Variants in MTMR10 observed in about 807,000 individuals in gnomAD.
MTMR10 encodes the protein myotubularin-related protein 10.
In MTMR10, 56 loss-of-function variants were observed where a neutral mutation model predicts 88.1. The observed-to-expected ratio is 0.64, with a 90% CI of 0.51 to 0.79. MTMR10 has a LOEUF of 0.79. Among genes scored for constraint, MTMR10 ranks in the 30% least tolerant of loss-of-function variants. MTMR10 has a pLI of 0.00. For synonymous variants in MTMR10, 380 were observed against 340.9 expected (o/e 1.11, Z -1.26); for missense variants, 883 against 924.7 (o/e 0.95, Z 0.58).
chr15:30,930,028 T>C, the MTMR10 span, among the ~76,000 whole-genome samples: 2 of 137,872 alleles, frequency 1.5e-5, no homozygotes, highest in African/African-American at 5.4e-5. Context: ...TATAATAATA[T>C]ATATATTAAT....
the MTMR10 span, among the ~76,000 whole-genome samples, chr15:30,929,971 AAATATAT>A: frequency 1.2e-3 from 157 of 126,516 alleles, 1 homozygote; most frequent in African/African-American, 4.8e-3. Flanking sequence ...ATAATATATA[AAATATAT>A]AATATATAAG....
chr15:30,943,044 A>G lies in MTMR10; in HGVS notation c.1577T>C (p.Leu526Ser), dbSNP rs2063105395. 6.5e-7 allele frequency: 1 copy of G among 1,538,326 alleles called. No individual in the cohort carries two copies. The highest frequency in any genetic ancestry group is 2.4e-5 in the East Asian group (1 of 40,904). ...GAATTTTAAGCCCTTCTCATCACCC[A>G]ATTGGATGTTTTTGCTTATAGCAAA... ...TEFAISKNIQ[L>S]GDEKGLKFPS... The change falls in exon 15 of 16, where the codon TTG becomes TCG. Residue 526 changes from leucine (L) to serine (S), a missense_variant. Leu to Ser is a moderately radical substitution (Grantham distance 145). Transcript: ENST00000435680.
At chr15:30,953,193 C>G (rs1179036783) in intron 11 of MTMR10, among the ~76,000 whole-genome samples, 1 of 152,166 alleles carries the variant, frequency 6.6e-6, no homozygotes, top group Non-Finnish European at 1.5e-5. Context: ...TAGTGGTAGT[C>G]AACAGACACA....
At chr15:30,945,222 C>G (rs537866707) in intron 14 of MTMR10, among the ~76,000 whole-genome samples, 1 of 152,062 alleles carries the variant, frequency 6.6e-6, no homozygotes, top group South Asian at 2.1e-4. Flanking sequence ...ATGACCAGTT[C>G]CTGCTAGGGA....
At chr15:30,945,312 T>C (rs151284603) in intron 14 of MTMR10, among the ~76,000 whole-genome samples, 164 of 152,176 alleles carry the variant, frequency 1.1e-3, no homozygotes, top group Non-Finnish European at 1.9e-3. Context: ...CACTAGAACA[T>C]GAACAGGGAA....
At position 30,940,079 on chromosome 15, in the gene MTMR10, G is replaced by GCTAA. The variant is rs780137621; in HGVS notation, c.*1387_*1390dup. On this transcript the variant is annotated 3_prime_UTR_variant, in exon 16 of 16. Coordinates refer to ENST00000435680, the MANE Select transcript of MTMR10 (RefSeq NM_017762.3). ...ACACTTGTTTTAGAAAAGGAAATAAGCTAACTAGACACTTTACTATAAAAA... is the reference window on the plus strand; with the variant it reads ...ACACTTGTTTTAGAAAAGGAAATAAGCTAACTAACTAGACACTTTACTATAAAAA... 4.1e-5 allele frequency: 40 copies of GCTAA among 983,142 alleles called. No individual in the cohort carries two copies. The highest frequency in any genetic ancestry group is 5.2e-5 in the African/African-American group (3 of 57,184). 60.9% of individuals were successfully genotyped at this position (983,142 alleles called of 1,614,324 possible).
At chr15:30,981,033 T>C (rs920026833) in intron 2 of MTMR10, among the ~76,000 whole-genome samples, 8 of 152,132 alleles carry the variant, frequency 5.3e-5, no homozygotes, top group Non-Finnish European at 1.2e-4. Context: ...ACAGTAAAGA[T>C]CAAGAAACTA....
At chr15:30,932,300 T>C in the MTMR10 span, among the ~76,000 whole-genome samples, 1 of 151,810 alleles carries the variant, frequency 6.6e-6, no homozygotes, top group African/African-American at 2.4e-5. Context: ...TGAGAGGAAT[T>C]GGTATCTTAA....
intron 6 of MTMR10, 59 bp downstream of exon 6, chr15:30,967,860 CA>C: frequency 7.3e-7 from 1 of 1,378,410 alleles, no homozygotes; most frequent in Non-Finnish European, 1.0e-6. Context: ...TTCCGGTAAA[CA>C]TAAGAGTAAA....
intron 2 of MTMR10, among the ~76,000 whole-genome samples, chr15:30,980,822 A>G (rs1250142899): frequency 6.6e-6 from 1 of 152,226 alleles, no homozygotes; most frequent in African/African-American, 2.4e-5. Context: ...CCAAAGCTGG[A>G]ACAATCTGAG....
chr15:30,964,864 A>T (rs956328937), intron 6 of MTMR10, among the ~76,000 whole-genome samples: 5 of 152,204 alleles, frequency 3.3e-5, no homozygotes, highest in Admixed American at 1.3e-4. Flanking sequence ...GTTATTTTAG[A>T]TAATTTCCAC....
intron 1 of MTMR10, 191 bp downstream of exon 1, chr15:30,991,256 A>G: frequency 3.7e-6 from 2 of 535,918 alleles, no homozygotes; most frequent in Non-Finnish European, 3.1e-6. Flanking sequence ...GAAGAGTTTT[A>G]CAAGTTTTCG....
intron 2 of MTMR10, among the ~76,000 whole-genome samples, chr15:30,987,253 T>G (rs1421499825): frequency 1.3e-5 from 2 of 152,214 alleles, no homozygotes; most frequent in African/African-American, 4.8e-5. Flanking sequence ...GGTAACAGTT[T>G]AAGCCAGGTG....
chr15:30,963,654 T>TAGATAGACAGACAGAC (rs66916552), intron 6 of MTMR10, among the ~76,000 whole-genome samples: 5 of 145,988 alleles, frequency 3.4e-5, no homozygotes, highest in Middle Eastern at 3.4e-3. Context: ...AATAGACAGA[T>TAGATAGACAGACAGAC]AGATAGATAG....
intron 14 of MTMR10, 39 bp downstream of exon 14, chr15:30,947,091 A>G (rs547476305): frequency 1.3e-6 from 2 of 1,549,038 alleles, no homozygotes; most frequent in Non-Finnish European, 1.7e-6. Flanking sequence ...AAAGTTGTAA[A>G]AACAGGGAAA....
the MTMR10 span, chr15:30,922,154 C>A: frequency 2.0e-6 from 3 of 1,498,966 alleles, no homozygotes; most frequent in Admixed American, 2.1e-5. Context: ...ATAGGCTTTA[C>A]CAATCCTATG....
At position 30,991,535 on chromosome 15, in the gene MTMR10, G is replaced by A; in HGVS notation, c.-29C>T. On this transcript the variant is annotated 5_prime_UTR_variant, in exon 1 of 16. It adds an upstream start codon to the 5' untranslated region. Coordinates refer to ENST00000435680, the MANE Select transcript of MTMR10 (RefSeq NM_017762.3). Reference sequence around the variant, plus strand: ...GCCGCCGCCTTTTCGCCCCGTTCCCGTCGCGGGCCAGTGGCAGCGCCGACG... The same window carrying A: ...GCCGCCGCCTTTTCGCCCCGTTCCCATCGCGGGCCAGTGGCAGCGCCGACG... The A allele has an allele frequency of 2.6e-6, 4 of 1,535,126 alleles. No individual in the cohort carries two copies. Among genetic ancestry groups the A allele is most frequent in the Non-Finnish European group, 3.5e-6 (4 of 1,148,502 alleles).
chr15:30,990,372 CT>C (rs2031234890), intron 2 of MTMR10, among the ~76,000 whole-genome samples: 2 of 152,176 alleles, frequency 1.3e-5, no homozygotes, highest in Admixed American at 6.5e-5. Flanking sequence ...GCAAATACAG[CT>C]GACAACTTCA....
At chr15:30,975,471 G>C (rs2030050501) in intron 3 of MTMR10, among the ~76,000 whole-genome samples, 2 of 152,180 alleles carry the variant, frequency 1.3e-5, no homozygotes, top group South Asian at 4.1e-4. Context: ...TCTGCTGTCA[G>C]TAGGGCACTG....
Sources: gnomAD v4.1 joint callset for allele counts (sites outside exome capture counted in the v4.1 genomes callset) on GRCh38, gnomAD v4.1.1 for gene constraint, MANE v1.5 for transcripts, NCBI Gene and HGNC (gene_info 2026-07-23, HGNC 2026-07-21) for gene names.